Variants in ZFYVE9 observed in about 807,000 individuals in gnomAD.
The protein encoded by ZFYVE9 is zinc finger FYVE-type containing 9, also known as zinc finger FYVE domain-containing protein 9.
Under a neutral mutation model 126.7 loss-of-function variants are expected in ZFYVE9, and 43 were observed. The ratio of observed to expected loss-of-function variants is 0.34; its 90% CI spans 0.27 to 0.44. The LOEUF (loss-of-function observed/expected upper bound fraction) is 0.44. Ranked by LOEUF, ZFYVE9 falls within the 20% of genes least tolerant of loss-of-function variation. ZFYVE9 has a pLI of 1.00. For synonymous variants in ZFYVE9, 521 were observed against 597.4 expected, an observed-to-expected ratio of 0.87 and a Z score of 1.87; for missense variants, 1,476 against 1,697.0, an observed-to-expected ratio of 0.87 and a Z score of 2.29.
At chr1:52,178,766 G>A (rs890810133) in intron 1 of ZFYVE9, among the ~76,000 whole-genome samples, 1 of 152,170 alleles carries the variant, frequency 6.6e-6, no homozygotes, top group Non-Finnish European at 1.5e-5. Flanking sequence ...ATAAATTAGA[G>A]TAGTAACATC....
intron 1 of ZFYVE9, among the ~76,000 whole-genome samples, chr1:52,156,897 A>G (rs1473458986): frequency 6.7e-6 from 1 of 149,022 alleles, no homozygotes; most frequent in Non-Finnish European, 1.5e-5. Context: ...CAGTGGCATG[A>G]TCTTGGCTCA....
intron 1 of ZFYVE9, among the ~76,000 whole-genome samples, chr1:52,152,665 A>C (rs1227806546): frequency 6.6e-6 from 1 of 152,220 alleles, no homozygotes; most frequent in Non-Finnish European, 1.5e-5. Context: ...CTCTAGAGTC[A>C]AACTGTCTGG....
chr1:52,208,965 GTAAA>G (rs1330976206), intron 1 of ZFYVE9, among the ~76,000 whole-genome samples: 2 of 152,212 alleles, frequency 1.3e-5, no homozygotes, highest in Non-Finnish European at 2.9e-5. Context: ...TTCTTCGAAA[GTAAA>G]TCCTTTAGTT....
At chr1:52,183,423 T>G (rs1022318180) in intron 1 of ZFYVE9, among the ~76,000 whole-genome samples, 7 of 152,232 alleles carry the variant, frequency 4.6e-5, no homozygotes, top group Non-Finnish European at 1.0e-4. Flanking sequence ...ACCAGTTTCT[T>G]TATTAAACAT....
intron 4 of ZFYVE9, among the ~76,000 whole-genome samples, chr1:52,239,837 T>C (rs566987188): frequency 7.1e-4 from 108 of 152,324 alleles, no homozygotes; most frequent in Middle Eastern, 3.4e-3. Flanking sequence ...GAGATGAGAA[T>C]TGAGGAAGTG....
At chr1:52,326,025 G>A (rs960565976) in intron 13 of ZFYVE9, among the ~76,000 whole-genome samples, 1 of 152,198 alleles carries the variant, frequency 6.6e-6, no homozygotes, top group Non-Finnish European at 1.5e-5. Context: ...GGTAAAGCTC[G>A]TGCTGTTTCA....
At chr1:52,234,922 T>A (rs1282820021) in intron 3 of ZFYVE9, among the ~76,000 whole-genome samples, 3 of 152,214 alleles carry the variant, frequency 2.0e-5, no homozygotes, top group Non-Finnish European at 2.9e-5. Context: ...TTACACCTAA[T>A]CATGTGAATA....
chr1:52,257,416 T>A (rs931321337), intron 4 of ZFYVE9, among the ~76,000 whole-genome samples: 19 of 152,266 alleles, frequency 1.2e-4, no homozygotes, highest in Non-Finnish European at 2.6e-4. Context: ...GTGCCACATT[T>A]AAAAAAATTA....
At chr1:52,269,582 A>AT (rs773782944) in intron 7 of ZFYVE9, among the ~76,000 whole-genome samples, 8 of 152,236 alleles carry the variant, frequency 5.3e-5, no homozygotes, top group East Asian at 1.9e-4. Flanking sequence ...TTAAGATTAG[A>AT]TTTTTTGACA....
At chr1:52,274,176 A>C (rs1645721957) in intron 7 of ZFYVE9, among the ~76,000 whole-genome samples, 1 of 152,188 alleles carries the variant, frequency 6.6e-6, no homozygotes, top group South Asian at 2.1e-4. Context: ...ATGGCAAAAG[A>C]AACCTGGGTA....
intron 1 of ZFYVE9, among the ~76,000 whole-genome samples, chr1:52,182,400 T>G (rs1184041738): frequency 2.0e-5 from 3 of 152,072 alleles, no homozygotes; most frequent in Non-Finnish European, 2.9e-5. Context: ...TTTTGTTCTG[T>G]ACTAAGAAAA....
At chr1:52,171,285 T>C (rs1439587213) in intron 1 of ZFYVE9, among the ~76,000 whole-genome samples, 1 of 152,178 alleles carries the variant, frequency 6.6e-6, no homozygotes, top group African/African-American at 2.4e-5. Context: ...TTACTGAGAA[T>C]GATGATTTCC....
At chr1:52,217,550 A>C (rs1376976657) in intron 2 of ZFYVE9, among the ~76,000 whole-genome samples, 1 of 152,156 alleles carries the variant, frequency 6.6e-6, no homozygotes, top group East Asian at 1.9e-4. Flanking sequence ...TTTTTGTGAG[A>C]GCTGCTTCTA....
At chr1:52,156,975 G>GTA (rs1644408542) in intron 1 of ZFYVE9, among the ~76,000 whole-genome samples, 1 of 152,044 alleles carries the variant, frequency 6.6e-6, no homozygotes, top group African/African-American at 2.4e-5. Context: ...TGGGACTACA[G>GTA]GCGCCCGCCA....
At chr1:52,255,938 C>CT (rs1553129409) in intron 4 of ZFYVE9, among the ~76,000 whole-genome samples, 1 of 124,292 alleles carries the variant, frequency 8.0e-6, no homozygotes, top group Admixed American at 7.9e-5. Context: ...CTTTTCTTTT[C>CT]TTTTCTTTTC....
At chr1:52,157,952 A>G (rs1294367260) in intron 1 of ZFYVE9, among the ~76,000 whole-genome samples, 2 of 151,936 alleles carry the variant, frequency 1.3e-5, no homozygotes, top group African/African-American at 2.4e-5. Flanking sequence ...CTCTCCTCAC[A>G]TGGTATACAC....
At position 52,316,165 on chromosome 1, in the gene ZFYVE9, CAAAAAAAAAA is replaced by C. The variant is rs367815611; in HGVS notation, c.3438+12256_3438+12265del. On this transcript the variant is annotated intron_variant, in intron 13 of 18. Transcript: ENST00000287727. ...GGGCAACAAGAGTGAAACTCCATCT[CAAAAAAAAAA>C]AAAAAAAAAAAAAAAGAAAAGAAAC... is the stretch of plus-strand genomic sequence containing the variant. Among the ~76,000 whole-genome samples the C allele has an allele frequency of 5.9e-3, 230 of 39,226 alleles. 2 individuals are homozygous for C. In the Middle Eastern group the frequency reaches 0.2, roughly 34 times the overall value. The allele number at this position is 39,226 out of a possible 152,430, so 25.7% of individuals were successfully genotyped here.
At chr1:52,193,996 C>T (rs916780903) in intron 1 of ZFYVE9, among the ~76,000 whole-genome samples, 4 of 152,098 alleles carry the variant, frequency 2.6e-5, no homozygotes, top group Admixed American at 6.5e-5. Flanking sequence ...GTAATCCCAG[C>T]TTCTCGGGCG....
chr1:52,336,341 T>C lies in ZFYVE9; in HGVS notation c.3671-1431T>C, dbSNP rs561624035. Among the ~76,000 whole-genome samples, 14 of 151,416 alleles carry C rather than the reference T, an allele frequency of 9.2e-5. No homozygotes were observed. In the South Asian group the frequency reaches 2.3e-3, roughly 25 times the overall value. The stretch of plus-strand genomic sequence containing the variant: ...AAACAGAAACATGCCGTTAACAAAT[T>C]GTTATGAAATCTAAGAGGTTTTTTT... On this transcript the variant is annotated intron_variant, in intron 15 of 18. Transcript: ENST00000287727.
Sources: allele counts gnomAD v4.1 joint callset (sites outside exome capture counted in the v4.1 genomes callset), GRCh38; gene constraint gnomAD v4.1.1; transcripts MANE v1.5; gene names NCBI Gene and HGNC (gene_info 2026-07-23, HGNC 2026-07-21).